The following ARHGAP39 variants were observed in gnomAD, a reference collection of about 807,000 sequenced individuals.
ARHGAP39 encodes the protein rho GTPase-activating protein 39.
Under a neutral mutation model 106.9 loss-of-function variants are expected in ARHGAP39, and 44 were observed. The ratio of observed to expected loss-of-function variants is 0.41; its 90% CI spans 0.32 to 0.53. The LOEUF is 0.53. ARHGAP39 is among the 20% of genes least tolerant of loss of function. The probability of loss-of-function intolerance (pLI) is 0.21; values close to 1 mark genes in which losing one functional copy is unlikely to be tolerated. For missense variants in ARHGAP39, 1,496 were observed against 1,577.3 expected (o/e 0.95, Z 0.87); for synonymous variants, 768 against 693.2 (o/e 1.11, Z -1.69).
intron 3 of ARHGAP39, among the ~76,000 whole-genome samples, chr8:144,577,231 CA>C (rs1818809628): frequency 6.6e-6 from 1 of 152,170 alleles, no homozygotes; most frequent in South Asian, 2.1e-4. Context: ...CTCTGTTTTT[CA>C]AAAGCACACA....
Position 144,685,260 on chromosome 8 carries a change from C to T in ARHGAP39, c.-82+426G>A, listed in dbSNP as rs543861320. 7.7e-4 allele frequency among the ~76,000 whole-genome samples: 112 copies of T among 145,238 alleles called. 1 individual carries two copies. Among genetic ancestry groups the T allele is most frequent in the African/African-American group, 2.7e-3 (110 of 40,298 alleles). ...CACCGTGGACAGGGGCACACTCACA[C>T]TCACTCTGGACAGGGGCACACCCAC... On this transcript the variant is annotated intron_variant, in intron 1 of 11. Coordinates refer to ENST00000377307, the MANE Select transcript of ARHGAP39 (RefSeq NM_025251.3).
chr8:144,620,126 CGTGTGA>C (rs1820758901), intron 1 of ARHGAP39, among the ~76,000 whole-genome samples: 1 of 98,360 alleles, frequency 1.0e-5, no homozygotes, highest in African/African-American at 4.0e-5. Flanking sequence ...TGCCCGTGTG[CGTGTGA>C]GCCTGTGTGT....
intron 1 of ARHGAP39, among the ~76,000 whole-genome samples, chr8:144,654,698 A>G (rs1204416985): frequency 6.6e-6 from 1 of 151,606 alleles, no homozygotes; most frequent in African/African-American, 2.4e-5. Flanking sequence ...ATGCTGCTGT[A>G]GCTGCCCAAG....
Position 144,530,269 on chromosome 8 carries a change from A to C in ARHGAP39, c.*153T>G. 4.8e-6 allele frequency: 4 copies of C among 824,982 alleles called. No individual in the cohort carries two copies. The highest frequency in any genetic ancestry group is 7.4e-6 in the Non-Finnish European group (4 of 540,904). The allele number at this position is 824,982 out of a possible 1,614,324, so 51.1% of individuals were successfully genotyped here. ...TGGCTGCACCCTCAGACCAGGCAGA[A>C]GACGTGGGGAGCGCCGGGGCCAGGG... On this transcript the variant is annotated 3_prime_UTR_variant, in exon 12 of 12. Transcript: ENST00000377307.
intron 1 of ARHGAP39, among the ~76,000 whole-genome samples, chr8:144,661,496 C>A (rs544166340): frequency 1.6e-4 from 24 of 152,140 alleles, no homozygotes; most frequent in African/African-American, 5.8e-4. Flanking sequence ...CCACACCTGC[C>A]GCTAAACACA....
rs528834222 is a variant in ARHGAP39, at chr8:144,681,364, A to G, written c.-82+4322T>C. Among the ~76,000 whole-genome samples the G allele has an allele frequency of 1.1e-4, 17 of 152,282 alleles. No homozygotes were observed. In the South Asian group the frequency reaches 3.5e-3, roughly 32 times the overall value. On this transcript the variant is annotated intron_variant, in intron 1 of 11. Coordinates refer to ENST00000377307, the MANE Select transcript of ARHGAP39 (RefSeq NM_025251.3). ...AGCTCTGCGAGGGAGTCTGCTCCAC[A>G]GGCTGAACACCAGAGTCTACTCTTT...
intron 1 of ARHGAP39, among the ~76,000 whole-genome samples, chr8:144,676,758 A>G (rs763024004): frequency 4.6e-5 from 7 of 151,780 alleles, no homozygotes; most frequent in Non-Finnish European, 1.0e-4. Flanking sequence ...CTCCCTCCAC[A>G]CCTCTCTGCG....
At chr8:144,574,025 C>T (rs6997734) in intron 3 of ARHGAP39, among the ~76,000 whole-genome samples, 14,039 of 151,424 alleles carry the variant, frequency 0.093, 1,528 homozygotes, top group African/African-American at 0.26. Context: ...ATACAAAAAT[C>T]AGCCAGGCAT....
At chr8:144,590,562 C>A (rs775272036) in intron 2 of ARHGAP39, among the ~76,000 whole-genome samples, 1 of 152,168 alleles carries the variant, frequency 6.6e-6, no homozygotes, top group Non-Finnish European at 1.5e-5. Context: ...CCACAGCCTG[C>A]AGAACCACCA....
intron 1 of ARHGAP39, among the ~76,000 whole-genome samples, chr8:144,658,605 C>G (rs1821753583): frequency 6.6e-6 from 1 of 152,088 alleles, no homozygotes; most frequent in Admixed American, 6.6e-5. Flanking sequence ...GGGACCTGAT[C>G]ATCCTTGAAT....
At chr8:144,598,734 T>C (rs933696188) in intron 2 of ARHGAP39, among the ~76,000 whole-genome samples, 1 of 152,142 alleles carries the variant, frequency 6.6e-6, no homozygotes, top group African/African-American at 2.4e-5. Context: ...GTCACCTGGA[T>C]GGAGGTGACT....
At chr8:144,565,587 G>C (rs375354558) in intron 3 of ARHGAP39, among the ~76,000 whole-genome samples, 2 of 152,156 alleles carry the variant, frequency 1.3e-5, no homozygotes, top group East Asian at 3.9e-4. Flanking sequence ...CACTCGGGAG[G>C]CTGAGGCAGG....
At chr8:144,593,089 C>T (rs1445837294) in intron 2 of ARHGAP39, among the ~76,000 whole-genome samples, 1 of 152,200 alleles carries the variant, frequency 6.6e-6, no homozygotes, top group Non-Finnish European at 1.5e-5. Context: ...CCAGGGGACT[C>T]AGGGTACCCG....
Position 144,581,096 on chromosome 8 carries a change from G to C in ARHGAP39, c.262C>G (p.Gln88Glu). 1 of 1,591,316 alleles carries C rather than the reference G, an allele frequency of 6.3e-7. No individual in the cohort carries two copies. The highest frequency in any genetic ancestry group is 8.5e-7 in the Non-Finnish European group (1 of 1,169,830). Residue 88 changes from glutamine to glutamate, a missense_variant, in exon 3 of 12, where the codon CAG becomes GAG. Gln to Glu is a conservative substitution (Grantham distance 29). Around this residue, in one of 4 missense-constraint regions of ARHGAP39, gnomAD observed 25 missense variants for 48.0 expected, o/e 0.52. Transcript: ENST00000377307. ...SRFYYYNAST[Q>E]RTVWHRPQGC... ...TGCGGCCGGTGCCACACCGTGCGCT[G>C]CGTGCTGGCATTGTAGTAGTAGAAG...
At chr8:144,549,211 G>A (rs1201263335) in intron 4 of ARHGAP39, among the ~76,000 whole-genome samples, 1 of 152,246 alleles carries the variant, frequency 6.6e-6, no homozygotes, top group Non-Finnish European at 1.5e-5. Context: ...ATGCCCACAC[G>A]TGCTCTGCCC....
intron 1 of ARHGAP39, among the ~76,000 whole-genome samples, chr8:144,608,845 A>C (rs1020084439): frequency 1.3e-5 from 2 of 152,232 alleles, no homozygotes; most frequent in African/African-American, 4.8e-5. Flanking sequence ...TAATACTAAC[A>C]AAATATAATT....
intron 1 of ARHGAP39, among the ~76,000 whole-genome samples, chr8:144,675,164 C>T (rs1822200806): frequency 6.6e-6 from 1 of 152,230 alleles, no homozygotes; most frequent in South Asian, 2.1e-4. Context: ...CAACCAGCGT[C>T]ATGGCAGCAG....
At chr8:144,632,687 G>A (rs751905309) in intron 1 of ARHGAP39, among the ~76,000 whole-genome samples, 12 of 152,194 alleles carry the variant, frequency 7.9e-5, no homozygotes, top group Non-Finnish European at 1.6e-4. Context: ...CCCAGGCAGC[G>A]CTGCACATCA....
rs771248905 is a variant in ARHGAP39 at position 144,555,584 on chromosome 8, G to A, written c.572C>T (p.Ala191Val). 1.1e-5 allele frequency: 17 copies of A among 1,613,908 alleles called. No homozygotes were observed. Among genetic ancestry groups the A allele is most frequent in the East Asian group, 6.7e-5 (3 of 44,906 alleles). ...CCTGTAGTGAAGAAGCTGGCCGTCC[G>A]CACTGTAATCCCGGTAAATCTCATA... ...KDYEIYRDYS[A>V]DGQLLHYRTS... Residue 191 changes from alanine to valine, a missense_variant, in exon 4 of 12, where the codon GCG becomes GTG. This residue lies in a region of ARHGAP39 where 905 missense variants were observed against 816.4 expected (regional missense o/e 1.11). Coordinates refer to ENST00000377307, the MANE Select transcript of ARHGAP39 (RefSeq NM_025251.3).
Sources: allele counts gnomAD v4.1 joint callset (sites outside exome capture counted in the v4.1 genomes callset), GRCh38; gene constraint gnomAD v4.1.1; regional missense constraint gnomAD v4.1.1; transcripts MANE v1.5; gene names NCBI Gene and HGNC (gene_info 2026-07-23, HGNC 2026-07-21).